Variants in IL1RAPL2 observed in about 807,000 individuals in gnomAD.
IL1RAPL2 encodes X-linked interleukin-1 receptor accessory protein-like 2.
Under a neutral mutation model 44.1 loss-of-function variants are expected in IL1RAPL2, and 3 were observed. The observed-to-expected ratio is 0.07, with a 90% CI of 0.03 to 0.18. IL1RAPL2 has a LOEUF of 0.18. Among genes scored for constraint, IL1RAPL2 ranks in the 10% least tolerant of loss-of-function variants. The pLI, the probability that IL1RAPL2 is intolerant of heterozygous loss-of-function variation, is 1.00. For synonymous variants in IL1RAPL2, 181 were observed against 178.8 expected, an observed-to-expected ratio of 1.01 and a Z score of -0.10; for missense variants, 391 against 496.4, an observed-to-expected ratio of 0.79 and a Z score of 2.02.
At chrX:104,653,705 A>G (rs1348361431) in intron 1 of IL1RAPL2, among the ~76,000 whole-genome samples, 1 of 111,154 alleles carries the variant, frequency 9.0e-6, no homozygotes, top group Non-Finnish European at 1.9e-5. Flanking sequence ...GGATCCTACC[A>G]AGCACTTGAT....
chrX:105,538,811 C>T (rs2036698617), intron 6 of IL1RAPL2, among the ~76,000 whole-genome samples: 1 of 111,708 alleles, frequency 9.0e-6, no homozygotes, highest in Non-Finnish European at 1.9e-5. Flanking sequence ...CACCAAAAGA[C>T]TTCTGGAACT....
At chrX:105,155,352 A>G (rs2033260560) in intron 2 of IL1RAPL2, among the ~76,000 whole-genome samples, 1 of 111,611 alleles carries the variant, frequency 9.0e-6, no homozygotes, top group Admixed American at 9.6e-5. Flanking sequence ...TAGAATTTAT[A>G]TAAATAAAGA....
intron 6 of IL1RAPL2, among the ~76,000 whole-genome samples, chrX:105,597,059 G>A (rs2037216273): frequency 9.0e-6 from 1 of 111,534 alleles, no homozygotes; most frequent in Non-Finnish European, 1.9e-5. Context: ...ACAGATTTGT[G>A]AATTATATAT....
chrX:104,673,210 C>G (rs1474505268), intron 2 of IL1RAPL2, among the ~76,000 whole-genome samples: 4 of 111,536 alleles, frequency 3.6e-5, no homozygotes, highest in African/African-American at 9.8e-5. Flanking sequence ...AGGTTTTCTT[C>G]TAGGGTTTTT....
chrX:104,796,721 G>T (rs975391118), intron 2 of IL1RAPL2, among the ~76,000 whole-genome samples: 6 of 112,191 alleles, frequency 5.3e-5, no homozygotes, highest in African/African-American at 1.6e-4. Flanking sequence ...GTAAAGCCAG[G>T]AATGCAAAAG....
intron 5 of IL1RAPL2, among the ~76,000 whole-genome samples, chrX:105,325,541 T>TTTTATATATA (rs1218720906): frequency 1.3e-5 from 1 of 76,093 alleles, no homozygotes; most frequent in African/African-American, 7.0e-5. Flanking sequence ...TCTCTTGGTT[T>TTTTATATATA]TATATATATA....
intron 3 of IL1RAPL2, chrX:105,219,294 G>A (rs1239627442): frequency 1.9e-5 from 23 of 1,208,650 alleles, no homozygotes; most frequent in Non-Finnish European, 2.6e-5. Context: ...ATGAGTATGA[G>A]TATGAGGCAG....
chrX:105,164,038 C>T (rs1261832278), intron 2 of IL1RAPL2, among the ~76,000 whole-genome samples: 1 of 108,933 alleles, frequency 9.2e-6, no homozygotes, highest in Non-Finnish European at 1.9e-5. Context: ...TTCATGTGTT[C>T]TTGTCAACAG....
At chrX:105,102,628 CAT>C (rs759792589) in intron 2 of IL1RAPL2, among the ~76,000 whole-genome samples, 32 of 111,630 alleles carry the variant, frequency 2.9e-4, no homozygotes, top group Admixed American at 8.6e-4. Flanking sequence ...GTGATTGAAA[CAT>C]AAACACATGT....
chrX:105,758,174 C>T (rs1264303934), intron 10 of IL1RAPL2, among the ~76,000 whole-genome samples: 1 of 111,613 alleles, frequency 9.0e-6, no homozygotes, highest in Non-Finnish European at 1.9e-5. Context: ...CCTCTGAAAA[C>T]TAGCAATGAG....
At chrX:104,896,342 C>A (rs1229068772) in intron 2 of IL1RAPL2, among the ~76,000 whole-genome samples, 1 of 111,946 alleles carries the variant, frequency 8.9e-6, no homozygotes, top group Admixed American at 9.4e-5. Context: ...CCTGGACCAA[C>A]CTGCTGGCCC....
chrX:105,026,651 T>A (rs892565647), intron 2 of IL1RAPL2, among the ~76,000 whole-genome samples: 1 of 110,675 alleles, frequency 9.0e-6, no homozygotes, highest in Admixed American at 9.7e-5. Flanking sequence ...AAGATCTCCA[T>A]AATGAAAACT....
intron 2 of IL1RAPL2, among the ~76,000 whole-genome samples, chrX:105,065,872 T>C (rs2032131442): frequency 8.9e-6 from 1 of 111,805 alleles, no homozygotes; most frequent in Non-Finnish European, 1.9e-5. Context: ...GTGATGATTC[T>C]TTTTAGGTTT....
At chrX:104,620,593 T>G (rs1929371229) in intron 1 of IL1RAPL2, among the ~76,000 whole-genome samples, 1 of 84,533 alleles carries the variant, frequency 1.2e-5, no homozygotes, top group Admixed American at 1.7e-4. Context: ...TGAGCCGAGT[T>G]CGCACCACTG....
At chrX:105,660,820 A>G (rs2037714446) in intron 6 of IL1RAPL2, among the ~76,000 whole-genome samples, 1 of 111,520 alleles carries the variant, frequency 9.0e-6, no homozygotes, top group South Asian at 3.7e-4. Flanking sequence ...CACATCACTG[A>G]AGAAAATTGC....
At chrX:105,233,011 A>G (rs1216187043) in intron 3 of IL1RAPL2, among the ~76,000 whole-genome samples, 1 of 112,256 alleles carries the variant, frequency 8.9e-6, no homozygotes, top group Non-Finnish European at 1.9e-5. Context: ...ATAGTTGGCC[A>G]GGCGCCGTGG....
At chrX:105,046,667 G>T (rs1168354194) in intron 2 of IL1RAPL2, among the ~76,000 whole-genome samples, 2 of 111,072 alleles carry the variant, frequency 1.8e-5, no homozygotes, top group African/African-American at 6.6e-5. Context: ...AAAAGAGGTT[G>T]GTGACCATCA....
intron 2 of IL1RAPL2, among the ~76,000 whole-genome samples, chrX:104,901,262 G>C (rs1188039469): frequency 1.2e-5 from 1 of 85,439 alleles, no homozygotes; most frequent in Non-Finnish European, 2.1e-5. Flanking sequence ...TCAGGCTGGA[G>C]TGCAGTGGTG....
intron 2 of IL1RAPL2, among the ~76,000 whole-genome samples, chrX:105,142,143 G>C (rs781355638): frequency 9.0e-6 from 1 of 111,236 alleles, no homozygotes; most frequent in South Asian, 3.8e-4. Flanking sequence ...GAATTTAGTT[G>C]ATCACTGAAG....
Sources: allele counts gnomAD v4.1 joint callset (sites outside exome capture counted in the v4.1 genomes callset), GRCh38; gene constraint gnomAD v4.1.1; transcripts MANE v1.5; gene names NCBI Gene and HGNC (gene_info 2026-07-23, HGNC 2026-07-21).